PADI4: variants seen among roughly 807,000 people sequenced by gnomAD.
PADI4 encodes the protein protein-arginine deiminase type-4.
In PADI4, 62 loss-of-function variants were observed where a neutral mutation model predicts 75.0. The ratio of observed to expected loss-of-function variants is 0.83; its 90% confidence interval spans 0.67 to 1.02. The LOEUF (loss-of-function observed/expected upper bound fraction) is 1.02. PADI4 is among the 50% of genes least tolerant of loss of function. The pLI, the probability that PADI4 is intolerant of heterozygous loss-of-function variation, is 0.00. For synonymous variants in PADI4, 361 were observed against 348.1 expected, an observed-to-expected ratio of 1.04 and a Z score of -0.41; for missense variants, 845 against 850.5, an observed-to-expected ratio of 0.99 and a Z score of 0.08.
intron 1 of PADI4, among the ~76,000 whole-genome samples, chr1:17,319,502 G>C (rs1390699116): frequency 6.6e-6 from 1 of 152,170 alleles, no homozygotes; most frequent in African/African-American, 2.4e-5. Context: ...CTGGGAGGTT[G>C]AGTTGCAGTG....
At chr1:17,361,564 C>A (rs2074849288) in intron 15 of PADI4, among the ~76,000 whole-genome samples, 4 of 152,256 alleles carry the variant, frequency 2.6e-5, no homozygotes. Context: ...TGGAAAATGG[C>A]TGTGCATCTA....
rs576793943 is a variant in PADI4, at chr1:17,347,799, C to T, written c.1048-142C>T. 1.0e-5 allele frequency: 5 copies of T among 489,534 alleles called. No individual in the cohort carries two copies. In the East Asian group the frequency reaches 1.6e-4, roughly 16 times the overall value. 30.3% of individuals were successfully genotyped at this position (489,534 alleles called of 1,614,324 possible). On this transcript the variant is annotated intron_variant, in intron 9 of 15. Transcript: ENST00000375448. ...AATAAGCTCCGCTTCTGAGCCCCTTCTCTGAGATCAAACATCCCATAGGAA... is the reference window on the plus strand; with the variant it reads ...AATAAGCTCCGCTTCTGAGCCCCTTTTCTGAGATCAAACATCCCATAGGAA...
rs565520263 is a variant in PADI4, at chr1:17,346,639, G to A, written c.1047+500G>A. On this transcript the variant is annotated intron_variant, in intron 9 of 15. Transcript: ENST00000375448. This position sits in a 1 kb window ranked among gnomAD's most constrained non-coding sequence, Gnocchi z 4.3. Reference sequence around the variant, plus strand: ...CACATGATTACCAGTCTCTGTTTCCGTGCCACTCCCCCATCATGCCAGGAG... The same window carrying A: ...CACATGATTACCAGTCTCTGTTTCCATGCCACTCCCCCATCATGCCAGGAG... Among the ~76,000 whole-genome samples the A allele has an allele frequency of 3.8e-4, 58 of 152,116 alleles. No homozygotes were observed. The highest frequency in any genetic ancestry group is 1.3e-3 in the African/African-American group (52 of 41,484).
chr1:17,341,967 G>A lies in PADI4; in HGVS notation c.677G>A (p.Ser226Asn). Residue 226 changes from serine (S) to asparagine (N), a missense_variant, in exon 7 of 16, where the codon AGC (serine) becomes AAC (asparagine). By Grantham distance (46) the Ser-to-Asn change is conservative. Transcript: ENST00000375448. ...GGGGGCAAACTGTCCTCCAAGTGCAGCGTAGTCTTGGGTCCCAAGTGGCCC... is the reference window on the plus strand; with the variant it reads ...GGGGGCAAACTGTCCTCCAAGTGCAACGTAGTCTTGGGTCCCAAGTGGCCC... ...ATRGKLSSKCSVVLGPKWPSH... is the reference protein window; with the variant it reads ...ATRGKLSSKCNVVLGPKWPSH... The A allele has an allele frequency of 6.2e-7, 1 of 1,614,006 alleles. No individual in the cohort carries two copies. Among genetic ancestry groups the A allele is most frequent in the Non-Finnish European group, 8.5e-7 (1 of 1,179,920 alleles).
intron 1 of PADI4, among the ~76,000 whole-genome samples, chr1:17,309,073 G>A (rs2073729183): frequency 6.6e-6 from 1 of 151,384 alleles, no homozygotes; most frequent in African/African-American, 2.4e-5. Context: ...AGTGTGCAGG[G>A]TCATTGTTGT....
At chr1:17,355,863 C>T in intron 11 of PADI4, 120 bp from the exon 12 acceptor site, 1 of 929,690 alleles carries the variant, frequency 1.1e-6, no homozygotes, top group Non-Finnish European at 1.8e-6. Flanking sequence ...GCATTCTAGA[C>T]TCCTGCATCC....
intron 1 of PADI4, 32 bp from the exon 2 acceptor site, chr1:17,330,937 A>G (rs746264841): frequency 2.0e-6 from 3 of 1,472,178 alleles, no homozygotes; most frequent in African/African-American, 2.9e-5. Context: ...TCCTCACTGC[A>G]TCCTCTGCTT....
intron 10 of PADI4, 127 bp from the exon 11 acceptor site, chr1:17,354,406 T>C: frequency 1.3e-6 from 1 of 779,576 alleles, no homozygotes; most frequent in Non-Finnish European, 2.3e-6. Context: ...CAGCACCTGC[T>C]ATGTGCCAGC....
At chr1:17,318,542 A>T (rs1355763196) in intron 1 of PADI4, among the ~76,000 whole-genome samples, 1 of 152,190 alleles carries the variant, frequency 6.6e-6, no homozygotes, top group Non-Finnish European at 1.5e-5. Flanking sequence ...TCCCAAACGG[A>T]GGCGGGAAGA....
chr1:17,312,007 T>A (rs1447851695), intron 1 of PADI4, among the ~76,000 whole-genome samples: 1 of 152,180 alleles, frequency 6.6e-6, no homozygotes, highest in Non-Finnish European at 1.5e-5. Context: ...CCCTTTCCAA[T>A]GCAAATCAAA....
At chr1:17,316,684 C>T (rs971155993) in intron 1 of PADI4, among the ~76,000 whole-genome samples, 23 of 109,120 alleles carry the variant, frequency 2.1e-4, no homozygotes, top group Non-Finnish European at 2.9e-4. Flanking sequence ...AGTGAGACTC[C>T]GTCTCAAAAT....
chr1:17,313,598 T>C (rs2073882312), intron 1 of PADI4, among the ~76,000 whole-genome samples: 1 of 151,916 alleles, frequency 6.6e-6, no homozygotes, highest in Non-Finnish European at 1.5e-5. Flanking sequence ...AGTTCCTAGC[T>C]TGACTTTCCC....
chr1:17,311,669 C>T (rs995753539), intron 1 of PADI4, among the ~76,000 whole-genome samples: 3 of 152,148 alleles, frequency 2.0e-5, no homozygotes, highest in Admixed American at 6.5e-5. Flanking sequence ...GGACTACAGG[C>T]GCCTGCCACC....
chr1:17,326,412 C>T (rs988696932), intron 1 of PADI4, among the ~76,000 whole-genome samples: 1 of 152,142 alleles, frequency 6.6e-6, no homozygotes, highest in Non-Finnish European at 1.5e-5. Context: ...TTAGTTATTG[C>T]TCAGTCCTAA....
chr1:17,342,460 C>T (rs576556598), intron 8 of PADI4, 58 bp downstream of exon 8: 87 of 1,014,844 alleles, frequency 8.6e-5, no homozygotes, highest in Non-Finnish European at 1.2e-4. Context: ...GAGTTCCATC[C>T]GCAGCACTCA....
intron 3 of PADI4, among the ~76,000 whole-genome samples, chr1:17,335,521 G>A (rs1430119379): frequency 6.6e-6 from 1 of 152,198 alleles, no homozygotes; most frequent in Non-Finnish European, 1.5e-5. Context: ...TCTCATGTGG[G>A]ACAAGGGTCA....
intron 5 of PADI4, 127 bp from the exon 6 acceptor site, chr1:17,339,561 C>A (rs2074376678): frequency 8.0e-6 from 7 of 878,518 alleles, no homozygotes; most frequent in South Asian, 1.6e-5. Flanking sequence ...GAAAACCAGG[C>A]AACATGGTAA....
intron 1 of PADI4, among the ~76,000 whole-genome samples, chr1:17,328,914 C>T (rs1402682707): frequency 6.6e-6 from 1 of 151,138 alleles, no homozygotes; most frequent in Non-Finnish European, 1.5e-5. Flanking sequence ...CTAAACTACG[C>T]CTTCAGAAAT....
chr1:17,324,193 A>G (rs1056117949), intron 1 of PADI4, among the ~76,000 whole-genome samples: 1 of 138,138 alleles, frequency 7.2e-6, no homozygotes, highest in Non-Finnish European at 1.5e-5. Flanking sequence ...TTCACACTCC[A>G]GTAAGCAGTG....
Sources: gnomAD v4.1 joint callset for allele counts (sites outside exome capture counted in the v4.1 genomes callset) on GRCh38, gnomAD v4.1.1 for gene constraint, Gnocchi (gnomAD v3.1) non-coding constraint, MANE v1.5 for transcripts, NCBI Gene and HGNC (gene_info 2026-07-23, HGNC 2026-07-21) for gene names.